NRG1: variants seen among roughly 807,000 people sequenced by gnomAD.
NRG1 encodes the protein pro-neuregulin-1, membrane-bound isoform.
A neutral mutation model predicts 63.8 loss-of-function variants in NRG1; 18 were observed. The observed-to-expected ratio is 0.28, with a 90% confidence interval of 0.19 to 0.42. The LOEUF is 0.42. Among genes scored for constraint, NRG1 ranks in the 10% least tolerant of loss-of-function variants. The probability of loss-of-function intolerance (pLI) is 1.00; values close to 1 mark genes in which losing one functional copy is unlikely to be tolerated. For synonymous variants in NRG1, 302 were observed against 301.3 expected (o/e 1.00, Z -0.02); for missense variants, 762 against 814.7 (o/e 0.94, Z 0.79).
chr8:32,605,364 C>A (rs1170282740), intron 2 of NRG1, among the ~76,000 whole-genome samples, 198 bp from the exon 3 acceptor site: 5 of 152,084 alleles, frequency 3.3e-5, no homozygotes, highest in Admixed American at 6.5e-5. Context: ...ATCCATGGTA[C>A]AACTTAAATG....
chr8:32,428,420 A>G (rs1313155448), intron 1 of NRG1, among the ~76,000 whole-genome samples: 1 of 150,584 alleles, frequency 6.6e-6, no homozygotes, highest in Non-Finnish European at 1.5e-5. Context: ...CAGTTTTGTT[A>G]GTTCTAAAGC....
At position 31,648,124 on chromosome 8, in the gene NRG1, C is replaced by CTTTTTTTTTTTTTTT. The variant is rs36074483; in HGVS notation, c.37+8706_37+8720dup. Reference sequence around the variant, plus strand: ...TTCTGTCTTTACAAATTTGACTACTCTTTTTTTTTTTTTTTTTTTTTTTTT... The same window carrying CTTTTTTTTTTTTTTT: ...TTCTGTCTTTACAAATTTGACTACTCTTTTTTTTTTTTTTTTTTTTTTTTTTTTTTTTTTTTTTTT... On this transcript the variant is annotated intron_variant, in intron 1 of 10. Coordinates refer to the NRG1 transcript ENST00000519301. 4.7e-4 allele frequency among the ~76,000 whole-genome samples: 24 copies of CTTTTTTTTTTTTTTT among 51,274 alleles called. 8 individuals carry two copies. Among genetic ancestry groups the CTTTTTTTTTTTTTTT allele is most frequent in the African/African-American group, 2.2e-3 (24 of 10,784 alleles). The allele number at this position is 51,274 out of a possible 152,430, so 33.6% of individuals were successfully genotyped here.
chr8:31,730,678 A>ACC, intron 1 of NRG1, among the ~76,000 whole-genome samples: 1 of 152,110 alleles, frequency 6.6e-6, no homozygotes, highest in East Asian at 1.9e-4. Context: ...GCATTTTTAT[A>ACC]CTCTTGCAGT....
chr8:32,016,578 C>T (rs1387910587), intron 1 of NRG1, among the ~76,000 whole-genome samples: 2 of 152,062 alleles, frequency 1.3e-5, no homozygotes, highest in Non-Finnish European at 2.9e-5. Context: ...ATATGTTACA[C>T]AATGAGTTTT....
intron 1 of NRG1, among the ~76,000 whole-genome samples, chr8:31,851,686 C>A (rs1156292206): frequency 6.6e-6 from 1 of 151,274 alleles, no homozygotes; most frequent in Non-Finnish European, 1.5e-5. Context: ...TATACATGTG[C>A]CATGCTGGTG....
intron 1 of NRG1, among the ~76,000 whole-genome samples, chr8:32,498,293 T>C (rs565078798): frequency 9.2e-5 from 14 of 152,182 alleles, no homozygotes; most frequent in Non-Finnish European, 1.3e-4. Flanking sequence ...TGAGAGAAAC[T>C]AATGGAAGGT....
intron 1 of NRG1, among the ~76,000 whole-genome samples, chr8:31,905,874 T>C (rs1325744585): frequency 2.6e-5 from 4 of 152,202 alleles, no homozygotes; most frequent in Non-Finnish European, 5.9e-5. Context: ...TTATTAGTAG[T>C]ATAAATCTTG....
chr8:31,873,554 G>A (rs930796043), intron 1 of NRG1, among the ~76,000 whole-genome samples: 4 of 152,114 alleles, frequency 2.6e-5, no homozygotes, highest in East Asian at 1.9e-4. Flanking sequence ...GCGAGACTCC[G>A]TCTGAAAAAC....
chr8:32,044,154 A>G (rs185083492), intron 1 of NRG1, among the ~76,000 whole-genome samples: 58 of 152,062 alleles, frequency 3.8e-4, no homozygotes, highest in African/African-American at 1.3e-3. Flanking sequence ...TCAGGTTGCT[A>G]TATCAATATT....
At chr8:32,589,354 A>T (rs1227511129) in intron 1 of NRG1, among the ~76,000 whole-genome samples, 1 of 152,214 alleles carries the variant, frequency 6.6e-6, no homozygotes, top group African/African-American at 2.4e-5. Context: ...ACAAAAGGAC[A>T]TCCTGCATAG....
exon 2 of NRG1, chr8:32,595,906 G>A (rs746880551): frequency 6.2e-7 from 1 of 1,613,696 alleles, no homozygotes; most frequent in Non-Finnish European, 8.5e-7. Context: ...TGTGAAACCA[G>A]TTCTGAATAC....
chr8:31,700,995 A>G (rs1380317115), intron 1 of NRG1, among the ~76,000 whole-genome samples: 1 of 152,228 alleles, frequency 6.6e-6, no homozygotes. Context: ...TTAGTAGCAG[A>G]TGCGCTTTTC....
chr8:31,764,997 T>C (rs527556033), intron 1 of NRG1, among the ~76,000 whole-genome samples: 1 of 151,146 alleles, frequency 6.6e-6, no homozygotes, highest in Non-Finnish European at 1.5e-5. Context: ...GTGTTTGATC[T>C]TCTTTGATTT....
intron 1 of NRG1, among the ~76,000 whole-genome samples, chr8:32,031,704 G>A (rs1482938370): frequency 6.6e-6 from 1 of 152,108 alleles, no homozygotes; most frequent in Non-Finnish European, 1.5e-5. Context: ...AAGTGAGAAC[G>A]TGTGGTATTT....
chr8:32,771,237 A>G (rs1193389973), downstream of NRG1, among the ~76,000 whole-genome samples: 1 of 150,112 alleles, frequency 6.7e-6, no homozygotes, highest in Non-Finnish European at 1.5e-5. Context: ...CAGCCTCTCA[A>G]GTAGCTGGGA....
chr8:32,068,067 A>G (rs1171705347), intron 1 of NRG1, among the ~76,000 whole-genome samples: 1 of 152,170 alleles, frequency 6.6e-6, no homozygotes, highest in Non-Finnish European at 1.5e-5. Flanking sequence ...CGTGCTGAAT[A>G]TGATTTCTAA....
intron 1 of NRG1, among the ~76,000 whole-genome samples, chr8:32,491,424 C>T (rs939683084): frequency 6.6e-6 from 1 of 152,098 alleles, no homozygotes; most frequent in East Asian, 1.9e-4. Flanking sequence ...GAAAAAGATG[C>T]TTCACTGCTT....
intron 1 of NRG1, among the ~76,000 whole-genome samples, chr8:31,765,400 C>G (rs1212245322): frequency 6.6e-6 from 1 of 152,068 alleles, no homozygotes; most frequent in Non-Finnish European, 1.5e-5. Flanking sequence ...GAAATGCTTG[C>G]CTTGTTTCTG....
intron 5 of NRG1, among the ~76,000 whole-genome samples, chr8:32,632,389 C>A (rs139433021): frequency 1.3e-5 from 2 of 151,812 alleles, no homozygotes; most frequent in African/African-American, 4.8e-5. Context: ...GTCTCTACTA[C>A]AAATACAAAA....
Sources: allele counts gnomAD v4.1 joint callset (sites outside exome capture counted in the v4.1 genomes callset), GRCh38; gene constraint gnomAD v4.1.1; transcripts MANE v1.5; gene names NCBI Gene and HGNC (gene_info 2026-07-23, HGNC 2026-07-21).